ANKRD13A: variants seen among roughly 807,000 people sequenced by gnomAD.
ANKRD13A encodes the protein ankyrin repeat domain 13A.
A neutral mutation model predicts 81.3 loss-of-function variants in ANKRD13A; 48 were observed. The ratio of observed to expected loss-of-function variants is 0.59; its 90% CI spans 0.47 to 0.75. ANKRD13A has a LOEUF of 0.75. ANKRD13A is among the 30% of genes least tolerant of loss of function. The pLI, the probability that ANKRD13A is intolerant of heterozygous loss-of-function variation, is 0.00. For missense variants in ANKRD13A, 612 were observed against 734.0 expected (o/e 0.83, Z 1.92); for synonymous variants, 230 against 270.1 (o/e 0.85, Z 1.45).
At chr12:110,010,520 A>T (rs1890465186) in intron 1 of ANKRD13A, among the ~76,000 whole-genome samples, 1 of 152,096 alleles carries the variant, frequency 6.6e-6, no homozygotes, top group Non-Finnish European at 1.5e-5. Context: ...CTTGGATCCT[A>T]CCCTTTGGAA....
rs1474511164 is a variant in ANKRD13A, at chr12:110,002,531, G to A, written c.96+2747G>A. On this transcript the variant is annotated intron_variant, in intron 1 of 14. Coordinates refer to ENST00000261739, the MANE Select transcript of ANKRD13A (RefSeq NM_033121.2). ...CTCAGGAGGTTGAGGCAGGAGAATC[G>A]CTTGAATCCAGGAGGCTGAGGTTGC... 3.3e-5 allele frequency among the ~76,000 whole-genome samples: 5 copies of A among 152,122 alleles called. No homozygotes were observed. The East Asian group carries it at 5.8e-4, about 18-fold the overall frequency.
chr12:110,034,041 A>G (rs1053263081), intron 13 of ANKRD13A, 84 bp downstream of exon 13: 1 of 1,312,962 alleles, frequency 7.6e-7, no homozygotes, highest in African/African-American at 1.5e-5. Context: ...AATCTGAAAG[A>G]TTTATTCTAA....
At chr12:110,028,236 C>T (rs1477154800) in intron 9 of ANKRD13A, 1 of 368,566 alleles carries the variant, frequency 2.7e-6, no homozygotes, top group Non-Finnish European at 4.9e-6. Flanking sequence ...GTCTCATGCA[C>T]TTTCAGATAT....
intron 1 of ANKRD13A, among the ~76,000 whole-genome samples, chr12:110,001,277 AGAG>A (rs1889959382): frequency 6.6e-6 from 1 of 151,814 alleles, no homozygotes; most frequent in African/African-American, 2.4e-5. Flanking sequence ...TTGTAGAGGA[AGAG>A]GAGGATTGTT....
Position 110,037,643 on chromosome 12 carries a change from G to A in ANKRD13A, c.*89G>A. The A allele has an allele frequency of 7.4e-7, 1 of 1,359,914 alleles. No individual in the cohort carries two copies. The allele number at this position is 1,359,914 out of a possible 1,614,324, so 84.2% of individuals were successfully genotyped here. On this transcript the variant is annotated 3_prime_UTR_variant, in exon 15 of 15. Coordinates refer to ENST00000261739, the MANE Select transcript of ANKRD13A (RefSeq NM_033121.2). Reference sequence around the variant, plus strand: ...ACCAGGGCCCTAGGGCTAAGGGCCTGCACCTTGCGTGCATGCAGCAGGCAA... The same window carrying A: ...ACCAGGGCCCTAGGGCTAAGGGCCTACACCTTGCGTGCATGCAGCAGGCAA...
chr12:110,021,272 G>A (rs752769050), intron 6 of ANKRD13A: 73 of 364,612 alleles, frequency 2.0e-4, no homozygotes, highest in African/African-American at 1.5e-3. Context: ...TACCAGCTAC[G>A]AAAAGAATAT....
Position 110,001,404 on chromosome 12 carries a change from A to G in ANKRD13A, c.96+1620A>G, listed in dbSNP as rs527268128. Among the ~76,000 whole-genome samples the G allele has an allele frequency of 6.0e-5, 9 of 150,302 alleles. 1 individual carries two copies. Among genetic ancestry groups the G allele is most frequent in the Middle Eastern group, 3.4e-3 (1 of 290 alleles). On this transcript the variant is annotated intron_variant, in intron 1 of 14. Transcript: ENST00000261739. The stretch of plus-strand genomic sequence containing the variant: ...TTTAAGGTGGTTGAGCCCTCACCGA[A>G]GTCCAAAATTACCCTCTTTTCTTTT...
At chr12:110,003,532 A>G (rs1383846829) in intron 1 of ANKRD13A, among the ~76,000 whole-genome samples, 3 of 152,192 alleles carry the variant, frequency 2.0e-5, no homozygotes, top group Admixed American at 2.0e-4. Context: ...GAGAGTGAAG[A>G]GGAGTGAGGG....
intron 6 of ANKRD13A, 142 bp downstream of exon 6, chr12:110,019,470 C>A: frequency 1.4e-6 from 1 of 737,800 alleles, no homozygotes; most frequent in East Asian, 3.0e-5. Flanking sequence ...TAAGATTGAT[C>A]TCTAACCAGT....
In ANKRD13A at chr12:110,018,383, C is replaced by T. The variant is rs1890896963; in HGVS notation, c.439C>T (p.Arg147Cys). The change falls in exon 5 of 15, where the codon CGC becomes TGC. Residue 147 changes from arginine (R) to cysteine (C), a missense_variant. Arg to Cys is a radical substitution (Grantham distance 180). Coordinates refer to ENST00000261739, the MANE Select transcript of ANKRD13A (RefSeq NM_033121.2). The surrounding 1 kb of genome is among the most constrained non-coding windows in gnomAD (Gnocchi z 4.4). ...TAGAATATGCCCAAATGATGTCTGT[C>T]GCATCTGGAAAAGTGGTGCCAAACT... ...VSRICPNDVC[R>C]IWKSGAKLRV... 1.6e-5 allele frequency: 26 copies of T among 1,613,870 alleles called. No individual in the cohort carries two copies. The highest frequency in any genetic ancestry group is 3.3e-5 in the Admixed American group (2 of 59,988).
chr12:110,017,443 A>G (rs1593211142), intron 4 of ANKRD13A, among the ~76,000 whole-genome samples: 1 of 152,236 alleles, frequency 6.6e-6, no homozygotes, highest in Non-Finnish European at 1.5e-5. Flanking sequence ...TCTTGTAGAT[A>G]AATTAACGAT....
intron 1 of ANKRD13A, among the ~76,000 whole-genome samples, chr12:110,002,305 A>T (rs1407587411): frequency 6.6e-6 from 1 of 152,108 alleles, no homozygotes; most frequent in Non-Finnish European, 1.5e-5. Context: ...AGATGTATTG[A>T]TTGCATAATT....
At chr12:110,031,635 C>T (rs894431408) in intron 12 of ANKRD13A, among the ~76,000 whole-genome samples, 1 of 152,152 alleles carries the variant, frequency 6.6e-6, no homozygotes, top group African/African-American at 2.4e-5. Context: ...AGCCACCATA[C>T]CCAGCCACAT....
At chr12:110,015,281 C>T (rs908075734) in intron 3 of ANKRD13A, among the ~76,000 whole-genome samples, 1 of 152,204 alleles carries the variant, frequency 6.6e-6, no homozygotes, top group Non-Finnish European at 1.5e-5. Flanking sequence ...TGGAGTCTAG[C>T]AACCTCTTTC....
At chr12:110,015,719 G>C (rs1485100367) in intron 3 of ANKRD13A, among the ~76,000 whole-genome samples, 1 of 151,952 alleles carries the variant, frequency 6.6e-6, no homozygotes, top group African/African-American at 2.4e-5. Context: ...GCTAATTTTT[G>C]TATTTATAGT....
Position 110,037,573 on chromosome 12 carries a change from C to A in ANKRD13A, c.*19C>A, listed in dbSNP as rs766069921. On this transcript the variant is annotated 3_prime_UTR_variant, in exon 15 of 15. Coordinates refer to ENST00000261739, the MANE Select transcript of ANKRD13A (RefSeq NM_033121.2). ...CAAATAGACCTTTCAGCCTGTGAGC[C>A]TCTGCACAAAGCAGAGGCTGTGGGC... is the stretch of plus-strand genomic sequence containing the variant. The A allele has an allele frequency of 8.1e-6, 13 of 1,608,182 alleles. No individual in the cohort carries two copies. The highest frequency in any genetic ancestry group is 1.1e-5 in the Non-Finnish European group (13 of 1,178,130).
At chr12:110,007,414 A>G (rs1231090191) in intron 1 of ANKRD13A, among the ~76,000 whole-genome samples, 1 of 151,824 alleles carries the variant, frequency 6.6e-6, no homozygotes, top group Non-Finnish European at 1.5e-5. Flanking sequence ...AGTTTTTACT[A>G]TTGTTGCCCA....
chr12:110,025,964 CT>C (rs748271339), intron 8 of ANKRD13A, 141 bp downstream of exon 8: 78,886 of 486,134 alleles, frequency 0.16, no homozygotes, highest in South Asian at 0.21. Context: ...CTCTCTCTCT[CT>C]TTTTTTTTTT....
At chr12:110,022,838 T>C (rs953243087) in intron 6 of ANKRD13A, among the ~76,000 whole-genome samples, 2 of 152,208 alleles carry the variant, frequency 1.3e-5, no homozygotes, top group African/African-American at 4.8e-5. Context: ...GGAGATAGCA[T>C]TTGGTATAAT....
Sources: allele counts gnomAD v4.1 joint callset (sites outside exome capture counted in the v4.1 genomes callset), GRCh38; gene constraint gnomAD v4.1.1; non-coding constraint Gnocchi (gnomAD v3.1); transcripts MANE v1.5; gene names NCBI Gene and HGNC (gene_info 2026-07-23, HGNC 2026-07-21).